CADPS: variants seen among roughly 807,000 people sequenced by gnomAD.
CADPS encodes the protein calcium-dependent secretion activator 1.
A neutral mutation model predicts 167.3 loss-of-function variants in CADPS; 57 were observed. The ratio of observed to expected loss-of-function variants is 0.34; its 90% CI spans 0.28 to 0.42. The LOEUF (loss-of-function observed/expected upper bound fraction) is 0.42. Ranked by LOEUF, CADPS falls within the 20% of genes least tolerant of loss-of-function variation. CADPS has a pLI of 1.00. For missense variants in CADPS, 1,414 were observed against 1,738.1 expected, an observed-to-expected ratio of 0.81 and a Z score of 3.32; for synonymous variants, 676 against 635.3, an observed-to-expected ratio of 1.06 and a Z score of -0.96.
intron 6 of CADPS, among the ~76,000 whole-genome samples, chr3:62,616,237 C>T (rs2062267678): frequency 6.6e-6 from 1 of 152,082 alleles, no homozygotes; most frequent in African/African-American, 2.4e-5. Context: ...GAATTATTTG[C>T]ATCATTAAAA....
At chr3:62,457,370 G>T (rs1332280870) in intron 26 of CADPS, among the ~76,000 whole-genome samples, 1 of 152,150 alleles carries the variant, frequency 6.6e-6, no homozygotes, top group Admixed American at 6.6e-5. Flanking sequence ...AAATAAACCT[G>T]ATTCAAACCA....
chr3:62,846,769 T>C (rs1015353731), intron 1 of CADPS, among the ~76,000 whole-genome samples: 5 of 152,092 alleles, frequency 3.3e-5, no homozygotes, highest in Middle Eastern at 3.2e-3. Flanking sequence ...GTTCGAGCAA[T>C]TCTTTTGATT....
At chr3:62,449,897 ACT>A (rs1349682228) in intron 26 of CADPS, among the ~76,000 whole-genome samples, 1 of 151,440 alleles carries the variant, frequency 6.6e-6, no homozygotes, top group Non-Finnish European at 1.5e-5. Context: ...CTAGGTTAAA[ACT>A]CTGGCTTTGC....
At chr3:62,531,197 G>C (rs1464952825) in intron 13 of CADPS, among the ~76,000 whole-genome samples, 1 of 146,520 alleles carries the variant, frequency 6.8e-6, no homozygotes, top group Admixed American at 6.9e-5. Flanking sequence ...AATACAGTGT[G>C]ACAACCCAGA....
Position 62,544,061 on chromosome 3 carries a change from T to C in CADPS, c.1966+5842A>G, listed in dbSNP as rs1163756423. Among the ~76,000 whole-genome samples, 1 of 152,060 alleles carries C rather than the reference T, an allele frequency of 6.6e-6. No individual in the cohort carries two copies. The highest frequency in any genetic ancestry group is 1.9e-4 in the East Asian group (1 of 5,180). ...GATACCAGAGGTTAAATGTCAACCT[T>C]GATACCAAGGTTAATACCTTGGCAT... On this transcript the variant is annotated intron_variant, in intron 11 of 29. Transcript: ENST00000383710. This position sits in a 1 kb window ranked among gnomAD's most constrained non-coding sequence, Gnocchi z 4.4.
chr3:62,688,152 G>A (rs186124545), intron 3 of CADPS, among the ~76,000 whole-genome samples: 33 of 152,054 alleles, frequency 2.2e-4, no homozygotes, highest in Admixed American at 5.2e-4. Flanking sequence ...ATAGTTCTGC[G>A]TTGCAGGGCC....
chr3:62,718,946 G>A (rs1581076561), intron 3 of CADPS, among the ~76,000 whole-genome samples: 1 of 152,236 alleles, frequency 6.6e-6, no homozygotes, highest in African/African-American at 2.4e-5. Context: ...GCTTTAAAAT[G>A]TCACAGGTAA....
intron 1 of CADPS, among the ~76,000 whole-genome samples, chr3:62,775,921 A>G (rs1248311297): frequency 1.3e-5 from 2 of 152,128 alleles, no homozygotes; most frequent in East Asian, 3.9e-4. Context: ...CAGGAAGTAC[A>G]TGGCCATGAC....
In CADPS at chr3:62,419,182, T is replaced by C. The variant is rs9830290; in HGVS notation, c.3778-15997A>G. Reference sequence around the variant, plus strand: ...GTTCCGACCATTTCTTTCTTCAAGATACATAAATAATGAGCCCAATGTGAT... The same window carrying C: ...GTTCCGACCATTTCTTTCTTCAAGACACATAAATAATGAGCCCAATGTGAT... On this transcript the variant is annotated intron_variant, in intron 28 of 29. Transcript: ENST00000383710. 4.7e-3 allele frequency among the ~76,000 whole-genome samples: 718 copies of C among 152,302 alleles called. 6 individuals carry two copies. Among genetic ancestry groups the C allele is most frequent in the African/African-American group, 0.017 (697 of 41,572 alleles).
intron 3 of CADPS, among the ~76,000 whole-genome samples, chr3:62,668,690 G>A (rs904222913): frequency 6.6e-6 from 1 of 152,090 alleles, no homozygotes; most frequent in African/African-American, 2.4e-5. Flanking sequence ...TAGGCTGTAA[G>A]CTCCATAAGG....
At chr3:62,622,107 T>C (rs2063287539) in intron 6 of CADPS, among the ~76,000 whole-genome samples, 2 of 152,102 alleles carry the variant, frequency 1.3e-5, no homozygotes, top group South Asian at 4.1e-4. Context: ...ATTTCTCAGC[T>C]GCCTTTCACT....
chr3:62,491,040 A>C (rs933784122), intron 21 of CADPS, among the ~76,000 whole-genome samples: 18 of 152,188 alleles, frequency 1.2e-4, no homozygotes, highest in African/African-American at 4.3e-4. Flanking sequence ...AGTAAGACAT[A>C]CCACACAAAT....
At chr3:62,532,685 G>A (rs1313143760) in intron 13 of CADPS, among the ~76,000 whole-genome samples, 186 bp downstream of exon 13, 1 of 151,332 alleles carries the variant, frequency 6.6e-6, no homozygotes, top group East Asian at 2.0e-4. Flanking sequence ...TTTATTTTAA[G>A]TTTCTTGAAA....
At chr3:62,764,619 G>A (rs930078760) in intron 2 of CADPS, among the ~76,000 whole-genome samples, 13 of 152,118 alleles carry the variant, frequency 8.5e-5, no homozygotes, top group Admixed American at 7.9e-4. Flanking sequence ...ATGAAGGAAG[G>A]AGTCAAGTGC....
intron 17 of CADPS, among the ~76,000 whole-genome samples, chr3:62,502,563 T>C (rs994557482): frequency 1.3e-5 from 2 of 152,194 alleles, no homozygotes; most frequent in Non-Finnish European, 2.9e-5. Flanking sequence ...ACAAAAAATA[T>C]GTGGACATTT....
intron 3 of CADPS, among the ~76,000 whole-genome samples, chr3:62,707,256 G>C (rs2082484327): frequency 6.6e-6 from 1 of 152,098 alleles, no homozygotes. Context: ...TCCATTGTAT[G>C]CTCCTTATGA....
At chr3:62,623,465 C>T (rs1467343547) in intron 6 of CADPS, among the ~76,000 whole-genome samples, 1 of 152,176 alleles carries the variant, frequency 6.6e-6, no homozygotes, top group African/African-American at 2.4e-5. Flanking sequence ...CTGATTGAAT[C>T]ATTAAAATCA....
In CADPS at chr3:62,592,605, G is replaced by T. The variant is rs376308909; in HGVS notation, c.1437+32C>A. 5 of 1,533,418 alleles carry T rather than the reference G, an allele frequency of 3.3e-6. No homozygotes were observed. The African/African-American group carries it at 4.1e-5, about 13-fold the overall frequency. 95.0% of individuals were successfully genotyped at this position (1,533,418 alleles called of 1,614,324 possible). ...AGACCTAGCTGGGGAAATCCTCTCT[G>T]TGGAGTTCCCCTTGTGATAAGAAGT... is the stretch of plus-strand genomic sequence containing the variant. On this transcript the variant is annotated intron_variant, in intron 7 of 29. Transcript: ENST00000383710.
chr3:62,469,408 A>G (rs557000037), intron 24 of CADPS, among the ~76,000 whole-genome samples: 9 of 152,184 alleles, frequency 5.9e-5, no homozygotes, highest in Non-Finnish European at 1.2e-4. Context: ...ATTAACAAAC[A>G]TTCCTACTAG....
Sources: gnomAD v4.1 joint callset for allele counts (sites outside exome capture counted in the v4.1 genomes callset) on GRCh38, gnomAD v4.1.1 for gene constraint, Gnocchi (gnomAD v3.1) non-coding constraint, MANE v1.5 for transcripts, NCBI Gene and HGNC (gene_info 2026-07-23, HGNC 2026-07-21) for gene names.